The following CSMD1 variants were observed in gnomAD, a reference collection of about 807,000 sequenced individuals.
CSMD1 encodes CUB and Sushi multiple domains 1, also known as CUB and sushi domain-containing protein 1.
CSMD1 carries 213 observed loss-of-function variants against 417.5 expected under a neutral mutation model. The ratio of observed to expected loss-of-function variants is 0.51; its 90% confidence interval spans 0.46 to 0.57. The LOEUF is 0.57. Ranked by LOEUF, CSMD1 falls within the 20% of genes least tolerant of loss-of-function variation. The pLI is 0.00. For missense variants in CSMD1, 6,923 were observed against 4,529.7 expected (o/e 1.53, Z -15.17); for synonymous variants, 2,862 against 1,736.8 (o/e 1.65, Z -16.11).
chr8:4,017,837 T>C (rs1414301295), intron 4 of CSMD1, among the ~76,000 whole-genome samples: 1 of 152,144 alleles, frequency 6.6e-6, no homozygotes, highest in African/African-American at 2.4e-5. Context: ...GCTGTTTGGG[T>C]GACTGTATAT....
At position 3,493,726 on chromosome 8, in the gene CSMD1, C is replaced by G. The variant is rs1162023295; in HGVS notation, c.1345G>C (p.Val449Leu). ...WVITTTDPDK[V>L]IKLAFEEFEL... Reference sequence around the variant, plus strand: ...AACTCTTCAAAGGCAAGCTTGATGACCTAAATACAAGGTACGAAACAGTGA... The same window carrying G: ...AACTCTTCAAAGGCAAGCTTGATGAGCTAAATACAAGGTACGAAACAGTGA... The change falls in exon 11 of 70, where the codon GTC becomes CTC. Residue 449 changes from valine to leucine, a missense_variant and splice_region_variant. Transcript: ENST00000635120. 3 of 1,607,916 alleles carry G rather than the reference C, an allele frequency of 1.9e-6. No individual in the cohort carries two copies. The highest frequency in any genetic ancestry group is 2.5e-6 in the Non-Finnish European group (3 of 1,176,998).
chr8:3,354,111 G>C (rs1184923222), intron 21 of CSMD1, among the ~76,000 whole-genome samples: 1 of 152,034 alleles, frequency 6.6e-6, no homozygotes, highest in African/African-American at 2.4e-5. Context: ...CATTTTATTG[G>C]GGACATTAAA....
At chr8:4,375,427 C>G (rs117053609) in intron 3 of CSMD1, among the ~76,000 whole-genome samples, 3 of 152,264 alleles carry the variant, frequency 2.0e-5, no homozygotes, top group Middle Eastern at 3.4e-3. Flanking sequence ...GCATCTTGTA[C>G]TACCCCAGGA....
At chr8:4,023,939 C>G (rs1392779894) in intron 4 of CSMD1, among the ~76,000 whole-genome samples, 2 of 151,612 alleles carry the variant, frequency 1.3e-5, no homozygotes, top group Admixed American at 6.6e-5. Context: ...CTTTTACAAG[C>G]AGACTTTAGA....
At position 3,779,579 on chromosome 8, in the gene CSMD1, A is replaced by G. The variant is rs573866499; in HGVS notation, c.819-25537T>C. 4.6e-5 allele frequency among the ~76,000 whole-genome samples: 7 copies of G among 152,352 alleles called. No homozygotes were observed. In the East Asian group the frequency reaches 1.3e-3, roughly 29 times the overall value. The stretch of plus-strand genomic sequence containing the variant: ...GAATTATGCTCAAATATCCAAAAGC[A>G]ATTATGCTGCTGAATAACCGGGTAT... On this transcript the variant is annotated intron_variant, in intron 5 of 69. Coordinates refer to ENST00000635120, the MANE Select transcript of CSMD1 (RefSeq NM_033225.6).
intron 26 of CSMD1, among the ~76,000 whole-genome samples, chr8:3,256,299 TAA>T (rs112797362): frequency 2.7e-5 from 3 of 111,044 alleles, no homozygotes; most frequent in African/African-American, 1.1e-4. Context: ...AGAGCAAGAC[TAA>T]GTCTCAAGAA....
intron 7 of CSMD1, among the ~76,000 whole-genome samples, chr8:3,692,125 C>T (rs1585083861): frequency 1.3e-5 from 2 of 152,152 alleles, no homozygotes; most frequent in East Asian, 3.9e-4. Flanking sequence ...GAAGCCACTG[C>T]ATCCGGGTCT....
At position 4,486,252 on chromosome 8, in the gene CSMD1, T is replaced by TAC. The variant is rs1360147838; in HGVS notation, c.303-66188_303-66187insGT. On this transcript the variant is annotated intron_variant, in intron 2 of 69. Transcript: ENST00000635120. Reference sequence around the variant, plus strand: ...ATACATATATATATATATACATACATATATATATATATATATATATATATA... The same window carrying TAC: ...ATACATATATATATATATACATACATACATATATATATATATATATATATATA... Among the ~76,000 whole-genome samples, 27 of 24,626 alleles carry TAC rather than the reference T, an allele frequency of 1.1e-3. 1 individual carries two copies. The highest frequency in any genetic ancestry group is 4.2e-3 in the African/African-American group (24 of 5,692). The allele number at this position is 24,626 out of a possible 152,430, so 16.2% of individuals were successfully genotyped here.
At chr8:4,566,509 C>G (rs534033619) in intron 2 of CSMD1, among the ~76,000 whole-genome samples, 5 of 151,660 alleles carry the variant, frequency 3.3e-5, no homozygotes, top group Non-Finnish European at 5.9e-5. Context: ...AAAAATTAGC[C>G]GGGCGTGGTG....
intron 1 of CSMD1, among the ~76,000 whole-genome samples, chr8:4,975,798 A>C (rs1810523150): frequency 6.6e-6 from 1 of 152,194 alleles, no homozygotes. Flanking sequence ...GGAGTCATGA[A>C]TAGTGTATGC....
intron 6 of CSMD1, among the ~76,000 whole-genome samples, chr8:3,721,358 G>A (rs964544015): frequency 6.6e-6 from 1 of 152,154 alleles, no homozygotes; most frequent in Non-Finnish European, 1.5e-5. Flanking sequence ...GACGGCAGAT[G>A]AAAGTGAATC....
intron 5 of CSMD1, among the ~76,000 whole-genome samples, chr8:3,788,644 G>A (rs557669013): frequency 3.3e-5 from 5 of 152,260 alleles, no homozygotes; most frequent in African/African-American, 7.2e-5. Context: ...TGAGCCCTCT[G>A]AGGTAGATAA....
At chr8:4,092,991 G>T (rs148039520) in intron 3 of CSMD1, among the ~76,000 whole-genome samples, 2 of 151,988 alleles carry the variant, frequency 1.3e-5, no homozygotes, top group African/African-American at 2.4e-5. Context: ...CATAGTGGGG[G>T]TCAAAGAAAA....
chr8:3,445,260 G>T (rs1183121737), intron 12 of CSMD1, among the ~76,000 whole-genome samples: 1 of 152,050 alleles, frequency 6.6e-6, no homozygotes, highest in African/African-American at 2.4e-5. Flanking sequence ...GGGTTTCACT[G>T]GTGGAAGAAG....
intron 26 of CSMD1, among the ~76,000 whole-genome samples, chr8:3,259,304 A>G (rs1052315761): frequency 3.3e-5 from 5 of 152,176 alleles, no homozygotes; most frequent in African/African-American, 2.4e-5. Context: ...ATGGATTTCT[A>G]GTTAGCATGT....
intron 3 of CSMD1, among the ~76,000 whole-genome samples, chr8:4,061,390 C>G (rs2980786): frequency 0.94 from 142,999 of 152,308 alleles, 67,201 homozygotes; most frequent in East Asian, 0.99. Context: ...AGTAAGTGCA[C>G]AACAGATTAA....
intron 3 of CSMD1, among the ~76,000 whole-genome samples, chr8:4,298,786 G>A (rs1284188862): frequency 3.3e-5 from 5 of 151,856 alleles, no homozygotes; most frequent in Non-Finnish European, 7.4e-5. Context: ...AATTTATTTT[G>A]AAGAATGTGT....
intron 1 of CSMD1, among the ~76,000 whole-genome samples, chr8:4,990,504 C>T (rs60212738): frequency 0.017 from 2,621 of 152,246 alleles, 85 homozygotes; most frequent in African/African-American, 0.057. Flanking sequence ...GCTGGGATTA[C>T]AGGCATGCGC....
chr8:3,786,765 C>T (rs1216507125), intron 5 of CSMD1, among the ~76,000 whole-genome samples: 13 of 152,152 alleles, frequency 8.5e-5, no homozygotes. Context: ...TTCAAGCTCA[C>T]AGAGGGCTAT....
Sources: allele counts gnomAD v4.1 joint callset (sites outside exome capture counted in the v4.1 genomes callset), GRCh38; gene constraint gnomAD v4.1.1; transcripts MANE v1.5; gene names NCBI Gene and HGNC (gene_info 2026-07-23, HGNC 2026-07-21).